Variants in FAM135B observed in about 807,000 individuals in gnomAD.
FAM135B encodes the protein protein FAM135B.
A neutral mutation model predicts 127.7 loss-of-function variants in FAM135B; 43 were observed. That is an observed-to-expected ratio of 0.34 (90% CI 0.26 to 0.43). The LOEUF is 0.43. Ranked by LOEUF, FAM135B falls within the 20% of genes least tolerant of loss-of-function variation. The pLI is 1.00. For synonymous variants in FAM135B, 670 were observed against 665.1 expected (o/e 1.01, Z -0.11); for missense variants, 1,558 against 1,725.6 (o/e 0.90, Z 1.72).
intron 1 of FAM135B, among the ~76,000 whole-genome samples, chr8:138,475,071 G>A (rs1408781586): frequency 6.8e-6 from 1 of 147,214 alleles, no homozygotes; most frequent in African/African-American, 2.5e-5. Flanking sequence ...TTTGCTTCTA[G>A]GTTAGTGAAA....
chr8:138,321,907 C>A (rs1784060260), intron 2 of FAM135B, among the ~76,000 whole-genome samples: 2 of 152,160 alleles, frequency 1.3e-5, no homozygotes, highest in Non-Finnish European at 2.9e-5. Flanking sequence ...CTTGCTTGCA[C>A]CTCAGGAATT....
intron 3 of FAM135B, among the ~76,000 whole-genome samples, chr8:138,296,815 A>C (rs765415244): frequency 6.6e-6 from 1 of 152,176 alleles, no homozygotes; most frequent in African/African-American, 2.4e-5. Flanking sequence ...TATTATTCAA[A>C]AACCCTAAAA....
intron 1 of FAM135B, among the ~76,000 whole-genome samples, chr8:138,429,431 GT>G (rs1052052519): frequency 6.6e-6 from 1 of 152,134 alleles, no homozygotes; most frequent in Non-Finnish European, 1.5e-5. Context: ...TGTGGGACGT[GT>G]CTGAATCCAA....
chr8:138,156,526 T>C (rs1415408288), intron 12 of FAM135B, among the ~76,000 whole-genome samples: 5 of 151,740 alleles, frequency 3.3e-5, no homozygotes, highest in East Asian at 1.9e-4. Context: ...TTTGAAAAGA[T>C]CAACAAAATT....
At chr8:138,200,775 C>T (rs1817057549) in intron 7 of FAM135B, among the ~76,000 whole-genome samples, 2 of 152,210 alleles carry the variant, frequency 1.3e-5, no homozygotes, top group Admixed American at 1.3e-4. Context: ...ATGCTCTGGA[C>T]ATTTCTCTGT....
intron 2 of FAM135B, among the ~76,000 whole-genome samples, chr8:138,346,635 TA>T (rs763497873): frequency 4.0e-5 from 6 of 151,688 alleles, no homozygotes; most frequent in Admixed American, 6.6e-5. Flanking sequence ...CATGGACACA[TA>T]GGGGGAATGA....
chr8:138,166,891 G>A (rs1819979892), intron 12 of FAM135B, among the ~76,000 whole-genome samples: 1 of 152,024 alleles, frequency 6.6e-6, no homozygotes, highest in African/African-American at 2.4e-5. Flanking sequence ...GTAGCTCGCT[G>A]AGTGCTTCCA....
At position 138,357,808 on chromosome 8, in the gene FAM135B, C is replaced by T. The variant is rs78489700; in HGVS notation, c.77+10099G>A. Among the ~76,000 whole-genome samples, 578 of 152,188 alleles carry T rather than the reference C, an allele frequency of 3.8e-3. 4 individuals carry two copies. Among genetic ancestry groups the T allele is most frequent in the Middle Eastern group, 6.8e-3 (2 of 294 alleles). On this transcript the variant is annotated intron_variant, in intron 2 of 19. Coordinates refer to ENST00000395297, the MANE Select transcript of FAM135B (RefSeq NM_015912.4). ...TGACTATATTTCCCTAGTGTCCCTACAGCTATCATTTCTTTAGAAACGTGG... is the reference window on the plus strand; with the variant it reads ...TGACTATATTTCCCTAGTGTCCCTATAGCTATCATTTCTTTAGAAACGTGG...
chr8:138,263,140 T>TA (rs1050262152), intron 4 of FAM135B, among the ~76,000 whole-genome samples: 25 of 151,914 alleles, frequency 1.6e-4, no homozygotes, highest in African/African-American at 4.6e-4. Context: ...AAATTAAAAT[T>TA]AAAAAAAAAC....
chr8:138,342,443 T>C (rs1829116875), intron 2 of FAM135B, among the ~76,000 whole-genome samples: 1 of 152,188 alleles, frequency 6.6e-6, no homozygotes, highest in Non-Finnish European at 1.5e-5. Flanking sequence ...ACAGCCTCCT[T>C]TCAGACCAGA....
chr8:138,148,436 G>C (rs1425599759), intron 14 of FAM135B, 84 bp downstream of exon 14: 33 of 1,114,116 alleles, frequency 3.0e-5, no homozygotes, highest in Admixed American at 2.3e-4. Flanking sequence ...TCTGTTGAAT[G>C]AATACCTCAT....
intron 3 of FAM135B, among the ~76,000 whole-genome samples, chr8:138,304,873 T>C (rs1156614447): frequency 6.6e-6 from 1 of 152,180 alleles, no homozygotes; most frequent in Non-Finnish European, 1.5e-5. Context: ...TGCTGTGACC[T>C]GCCTGGAAGC....
intron 1 of FAM135B, among the ~76,000 whole-genome samples, chr8:138,488,193 G>A (rs938234955): frequency 1.2e-4 from 18 of 152,140 alleles, no homozygotes; most frequent in Middle Eastern, 3.4e-3. Flanking sequence ...CTTTTTAAAC[G>A]TAAAAGTATT....
chr8:138,476,526 A>G (rs974903497), intron 1 of FAM135B, among the ~76,000 whole-genome samples: 3 of 151,978 alleles, frequency 2.0e-5, no homozygotes, highest in African/African-American at 7.2e-5. Context: ...ACTCTAAAAA[A>G]TTAAGTCTAT....
intron 1 of FAM135B, chr8:138,459,708 G>A (rs1837013076): frequency 6.6e-6 from 1 of 152,306 alleles, no homozygotes; most frequent in South Asian, 2.1e-4. Context: ...TACTGCAGAA[G>A]GGGCCCTGGC....
At chr8:138,368,150 T>C (rs891119550) in intron 1 of FAM135B, 148 bp from the exon 2 acceptor site, 1 of 617,806 alleles carries the variant, frequency 1.6e-6, no homozygotes, top group South Asian at 2.0e-5. Flanking sequence ...GTTCCTTTTA[T>C]GGAAAAAGAC....
At chr8:138,137,372 C>A (rs1414486029) in intron 18 of FAM135B, 112 bp from the exon 19 acceptor site, 2 of 693,806 alleles carry the variant, frequency 2.9e-6, no homozygotes, top group Non-Finnish European at 5.3e-6. Flanking sequence ...AAAATGTTGA[C>A]ACACCACACA....
Position 138,257,893 on chromosome 8 carries a change from A to T in FAM135B, c.298-1134T>A, listed in dbSNP as rs201785405. ...CTACAAAAAATAAAAAATAAAAAAA[A>T]AAATAAAACAAAACAAAACAAAACA... is the stretch of plus-strand genomic sequence containing the variant. On this transcript the variant is annotated intron_variant, in intron 4 of 19. Transcript: ENST00000395297. Among the ~76,000 whole-genome samples, 262 of 139,824 alleles carry T rather than the reference A, an allele frequency of 1.9e-3. 1 individual carries two copies. The highest frequency in any genetic ancestry group is 2.5e-3 in the African/African-American group (102 of 40,790). The allele number at this position is 139,824 out of a possible 152,430, so 91.7% of individuals were successfully genotyped here.
At chr8:138,244,165 C>A (rs770336732) in intron 6 of FAM135B, among the ~76,000 whole-genome samples, 8 of 152,012 alleles carry the variant, frequency 5.3e-5, no homozygotes, top group Non-Finnish European at 8.8e-5. Flanking sequence ...TTAGGTGCTA[C>A]GATGATAAGA....
Sources: gnomAD v4.1 joint callset for allele counts (sites outside exome capture counted in the v4.1 genomes callset) on GRCh38, gnomAD v4.1.1 for gene constraint, MANE v1.5 for transcripts, NCBI Gene and HGNC (gene_info 2026-07-23, HGNC 2026-07-21) for gene names.